The following NHEJ1 variants were observed in gnomAD, a reference collection of about 807,000 sequenced individuals.
The protein encoded by NHEJ1 is non-homologous end joining factor 1.
A neutral mutation model predicts 39.4 loss-of-function variants in NHEJ1; 22 were observed. That is an observed-to-expected ratio of 0.56 (90% CI 0.40 to 0.80). NHEJ1 has a LOEUF of 0.80. NHEJ1 is among the 30% of genes least tolerant of loss of function. The pLI, the probability that NHEJ1 is intolerant of heterozygous loss-of-function variation, is 0.00. For missense variants in NHEJ1, 329 were observed against 357.1 expected (o/e 0.92, Z 0.63); for synonymous variants, 154 against 135.6 (o/e 1.14, Z -0.94).
intron 5 of NHEJ1, among the ~76,000 whole-genome samples, chr2:219,099,095 G>A (rs766391411): frequency 5.3e-5 from 8 of 152,100 alleles, no homozygotes; most frequent in Non-Finnish European, 8.8e-5. Context: ...GAAGAAAGCC[G>A]GCAAAACAGG....
intron 5 of NHEJ1, among the ~76,000 whole-genome samples, chr2:219,126,654 C>T (rs1409670622): frequency 6.6e-6 from 1 of 152,158 alleles, no homozygotes; most frequent in African/African-American, 2.4e-5. Context: ...GGGAACTTAC[C>T]ACCTAGTAGG....
chr2:219,147,990 G>A (rs1949759134), intron 3 of NHEJ1, among the ~76,000 whole-genome samples, 195 bp from the exon 4 acceptor site: 2 of 152,234 alleles, frequency 1.3e-5, no homozygotes, highest in South Asian at 4.1e-4. Context: ...CTGGTGCAGT[G>A]GCTAACGTCT....
chr2:219,159,578 T>TATATATACATATATATGC lies in NHEJ1; in HGVS notation c.-1+1141_-1+1142insGCATATATATGTATATAT, dbSNP rs1559206382. On this transcript the variant is annotated intron_variant, in intron 1 of 7. Transcript: ENST00000356853. ...ATATATATATGCATATATATATGCA[T>TATATATACATATATATGC]ATATATATGCATATATATATATGCA... is the stretch of plus-strand genomic sequence containing the variant. 1.1e-4 allele frequency among the ~76,000 whole-genome samples: 6 copies of TATATATACATATATATGC among 56,340 alleles called. No individual in the cohort carries two copies. In the East Asian group the frequency reaches 1.2e-3, roughly 11 times the overall value. 37.0% of individuals were successfully genotyped at this position (56,340 alleles called of 152,430 possible). A position where few individuals can be genotyped will look rare whatever the true frequency, so the allele number is the denominator to read the frequency against.
chr2:219,156,673 ATC>A (rs1356083169), intron 3 of NHEJ1, among the ~76,000 whole-genome samples: 1 of 152,212 alleles, frequency 6.6e-6, no homozygotes, highest in Non-Finnish European at 1.5e-5. Context: ...GTTATTTTCA[ATC>A]TCAGTATTCT....
intron 3 of NHEJ1, among the ~76,000 whole-genome samples, chr2:219,153,723 C>A (rs1949822356): frequency 7.3e-6 from 1 of 136,198 alleles, no homozygotes; most frequent in Non-Finnish European, 1.6e-5. Flanking sequence ...AGAGAGAGAG[C>A]AAGCAAGCAA....
chr2:219,093,358 G>C (rs1488670996), intron 5 of NHEJ1, among the ~76,000 whole-genome samples: 1 of 152,214 alleles, frequency 6.6e-6, no homozygotes, highest in African/African-American at 2.4e-5. Flanking sequence ...CTGAAACTGT[G>C]CATCTTTAGG....
At chr2:219,098,811 A>G (rs991927017) in intron 5 of NHEJ1, among the ~76,000 whole-genome samples, 1 of 152,242 alleles carries the variant, frequency 6.6e-6, no homozygotes, top group Admixed American at 6.5e-5. Flanking sequence ...ATAAATAAAT[A>G]AAATGAAGAA....
intron 5 of NHEJ1, among the ~76,000 whole-genome samples, chr2:219,115,327 T>G (rs1170972820): frequency 4.6e-5 from 7 of 152,142 alleles, no homozygotes; most frequent in Admixed American, 3.9e-4. Context: ...GGCCATGCTA[T>G]TACAGATCTA....
chr2:219,083,064 G>A (rs973918929), intron 5 of NHEJ1, among the ~76,000 whole-genome samples: 3 of 152,164 alleles, frequency 2.0e-5, no homozygotes, highest in African/African-American at 4.8e-5. Context: ...CTCCCCCTTC[G>A]CCAATCCATT....
chr2:219,072,975 C>T lies in NHEJ1; in HGVS notation c.*3406G>A, dbSNP rs557690273. Among the ~76,000 whole-genome samples, 1 of 152,208 alleles carries T rather than the reference C, an allele frequency of 6.6e-6. No individual in the cohort carries two copies. The highest frequency in any genetic ancestry group is 1.9e-4 in the East Asian group (1 of 5,188). On this transcript the variant is annotated 3_prime_UTR_variant, in exon 8 of 8. Coordinates refer to ENST00000356853, the MANE Select transcript of NHEJ1 (RefSeq NM_024782.3). The stretch of plus-strand genomic sequence containing the variant: ...GGGCCCCTGCTTATCTCCCAACAAA[C>T]GTGGGCTAAGGAGGAGGTAAGGGCT...
chr2:219,129,783 C>T (rs768990053), intron 5 of NHEJ1, among the ~76,000 whole-genome samples: 11 of 152,246 alleles, frequency 7.2e-5, no homozygotes, highest in African/African-American at 1.4e-4. Context: ...CCGTGCGCCC[C>T]GGGCACCGTG....
chr2:219,144,863 A>C (rs556773904), intron 5 of NHEJ1, among the ~76,000 whole-genome samples: 1 of 152,288 alleles, frequency 6.6e-6, no homozygotes, highest in Admixed American at 6.5e-5. Flanking sequence ...ACGGCCTAAG[A>C]AATCTCTCTT....
intron 5 of NHEJ1, among the ~76,000 whole-genome samples, chr2:219,094,944 T>C (rs1025714024): frequency 4.6e-5 from 7 of 152,126 alleles, no homozygotes; most frequent in African/African-American, 1.7e-4. Context: ...GCCTTGACCC[T>C]CCAAACCACC....
chr2:219,087,380 CT>C (rs11422870), intron 5 of NHEJ1, among the ~76,000 whole-genome samples: 70 of 149,742 alleles, frequency 4.7e-4, no homozygotes, highest in African/African-American at 1.5e-3. Flanking sequence ...GTGCAGATTC[CT>C]TTTTTTTTTC....
At chr2:219,113,544 CCTT>C (rs1164588681) in intron 5 of NHEJ1, among the ~76,000 whole-genome samples, 1 of 152,108 alleles carries the variant, frequency 6.6e-6, no homozygotes, top group African/African-American at 2.4e-5. Context: ...CTGGCTTTGT[CCTT>C]CTTCAGAGGC....
rs1015755455 is a variant in NHEJ1, at chr2:219,111,181, G to A, written c.589-32975C>T. ...TTTAGAACTGGAATAGAATTTACTC[G>A]TGATACCCAGACCAATGCTCTATTA... On this transcript the variant is annotated intron_variant, in intron 5 of 7. Transcript: ENST00000356853. This position sits in a 1 kb window ranked among gnomAD's most constrained non-coding sequence, Gnocchi z 4.1. Among the ~76,000 whole-genome samples, 12 of 152,114 alleles carry A rather than the reference G, an allele frequency of 7.9e-5. No individual in the cohort carries two copies. Among genetic ancestry groups the A allele is most frequent in the African/African-American group, 2.2e-4 (9 of 41,404 alleles).
intron 5 of NHEJ1, among the ~76,000 whole-genome samples, chr2:219,079,890 T>A (rs73991017): frequency 0.016 from 2,446 of 152,280 alleles, 69 homozygotes; most frequent in African/African-American, 0.056. Flanking sequence ...CAAGAAATGA[T>A]GCCTCTCTTA....
chr2:219,115,165 G>GAAGAAC (rs1218956203), intron 5 of NHEJ1, among the ~76,000 whole-genome samples: 2 of 151,254 alleles, frequency 1.3e-5, no homozygotes, highest in Non-Finnish European at 2.9e-5. Flanking sequence ...AGAAGAAGAA[G>GAAGAAC]AAGAAGAAGA....
intron 1 of NHEJ1, among the ~76,000 whole-genome samples, chr2:219,160,281 T>C (rs1054625219): frequency 2.0e-5 from 3 of 152,148 alleles, no homozygotes; most frequent in African/African-American, 7.2e-5. Context: ...GCATCCCGGC[T>C]GGGCCCCGCC....
Sources: allele counts gnomAD v4.1 joint callset (sites outside exome capture counted in the v4.1 genomes callset), GRCh38; gene constraint gnomAD v4.1.1; non-coding constraint Gnocchi (gnomAD v3.1); transcripts MANE v1.5; gene names NCBI Gene and HGNC (gene_info 2026-07-23, HGNC 2026-07-21).